KAZN: variants seen among roughly 807,000 people sequenced by gnomAD.
KAZN encodes kazrin.
KAZN carries 40 observed loss-of-function variants against 87.4 expected under a neutral mutation model. That is an observed-to-expected ratio of 0.46 (90% CI 0.36 to 0.60). The LOEUF (loss-of-function observed/expected upper bound fraction) is 0.60, where lower values mean the gene tolerates loss of function less well. Ranked by LOEUF, KAZN falls within the 20% of genes least tolerant of loss-of-function variation. The probability of loss-of-function intolerance (pLI) is 0.00; values close to 1 mark genes in which losing one functional copy is unlikely to be tolerated. For missense variants in KAZN, 898 were observed against 1,073.9 expected (o/e 0.84, Z 2.29); for synonymous variants, 466 against 458.3 (o/e 1.02, Z -0.22).
intron 1 of KAZN, among the ~76,000 whole-genome samples, chr1:13,901,893 G>A (rs1219722635): frequency 6.6e-6 from 1 of 152,238 alleles, no homozygotes; most frequent in African/African-American, 2.4e-5. Flanking sequence ...TGCTTTACTT[G>A]TGCTACTGAT....
intron 1 of KAZN, among the ~76,000 whole-genome samples, chr1:13,929,479 T>C (rs1640424363): frequency 6.6e-6 from 1 of 152,138 alleles, no homozygotes; most frequent in Non-Finnish European, 1.5e-5. Flanking sequence ...CAGCCATCCA[T>C]CATTGCGACA....
intron 8 of KAZN, among the ~76,000 whole-genome samples, chr1:15,074,715 G>A (rs1639663503): frequency 6.6e-6 from 1 of 152,192 alleles, no homozygotes; most frequent in African/African-American, 2.4e-5. Flanking sequence ...AGGGTTAAGA[G>A]ATTACATCCT....
At chr1:14,594,016 CTCTT>C (rs1676348917), upstream of KAZN, among the ~76,000 whole-genome samples, 1 of 152,192 alleles carries the variant, frequency 6.6e-6, no homozygotes, top group Admixed American at 6.5e-5. Context: ...TCTGGGGTCT[CTCTT>C]TCTCTGTCTG....
At chr1:14,034,043 T>A (rs1641437934) in intron 1 of KAZN, among the ~76,000 whole-genome samples, 1 of 152,238 alleles carries the variant, frequency 6.6e-6, no homozygotes. Context: ...GCAGCAAGGC[T>A]GTTGTGCCTT....
chr1:14,940,882 A>G (rs1466319708), intron 1 of KAZN, among the ~76,000 whole-genome samples: 1 of 132,972 alleles, frequency 7.5e-6, no homozygotes, highest in Non-Finnish European at 1.6e-5. Flanking sequence ...GACCAGACAG[A>G]TGTCATTCTA....
intron 2 of KAZN, among the ~76,000 whole-genome samples, chr1:14,285,710 A>C (rs1322860441): frequency 6.6e-6 from 1 of 152,106 alleles, no homozygotes; most frequent in Non-Finnish European, 1.5e-5. Flanking sequence ...CTCTGATCTC[A>C]CCATTTGGAA....
chr1:14,037,765 G>A (rs570593967), intron 1 of KAZN, among the ~76,000 whole-genome samples: 14 of 152,228 alleles, frequency 9.2e-5, no homozygotes, highest in South Asian at 2.1e-4. Context: ...TCTCCCAGCC[G>A]TGCTGCCTGA....
chr1:14,419,190 C>T (rs1480823352), intron 2 of KAZN, among the ~76,000 whole-genome samples: 1 of 152,218 alleles, frequency 6.6e-6, no homozygotes, highest in Admixed American at 6.5e-5. Flanking sequence ...TATACATAGT[C>T]TTTGCAGTGA....
chr1:14,090,822 C>T (rs1017216230), intron 1 of KAZN, among the ~76,000 whole-genome samples: 1 of 152,020 alleles, frequency 6.6e-6, no homozygotes, highest in African/African-American at 2.4e-5. Context: ...CAGCTAAACA[C>T]TAGAGGAACA....
At chr1:14,232,102 G>A (rs1396565876) in intron 2 of KAZN, among the ~76,000 whole-genome samples, 1 of 152,172 alleles carries the variant, frequency 6.6e-6, no homozygotes. Context: ...CTGGCTGGGT[G>A]TTCAGAAGGA....
intron 2 of KAZN, among the ~76,000 whole-genome samples, chr1:14,513,194 T>C (rs1277055392): frequency 6.6e-6 from 1 of 152,156 alleles, no homozygotes; most frequent in Non-Finnish European, 1.5e-5. Flanking sequence ...GAAAAGGATA[T>C]TAGGGCAAAC....
At chr1:13,924,694 G>A (rs979898137) in intron 1 of KAZN, among the ~76,000 whole-genome samples, 3 of 152,194 alleles carry the variant, frequency 2.0e-5, no homozygotes, top group African/African-American at 7.2e-5. Flanking sequence ...CCCACTTTGA[G>A]TCATCCAGCA....
intron 2 of KAZN, among the ~76,000 whole-genome samples, chr1:14,393,872 A>C (rs1662665486): frequency 6.7e-6 from 1 of 150,006 alleles, no homozygotes; most frequent in African/African-American, 2.4e-5. Flanking sequence ...AGTCATGAAA[A>C]CTTTTACCTG....
At chr1:14,272,163 A>G (rs1557607583) in intron 2 of KAZN, among the ~76,000 whole-genome samples, 1 of 152,158 alleles carries the variant, frequency 6.6e-6, no homozygotes, top group African/African-American at 2.4e-5. Context: ...CCCCAAACTC[A>G]CACTCATTTG....
At chr1:14,495,713 T>C (rs1159019434) in intron 2 of KAZN, among the ~76,000 whole-genome samples, 2 of 152,148 alleles carry the variant, frequency 1.3e-5, no homozygotes, top group African/African-American at 2.4e-5. Context: ...CAGGAGGAAA[T>C]GAGATGCCCA....
rs776503895 is a variant in KAZN, at chr1:14,951,268, G to A, written c.227-9416G>A. Among the ~76,000 whole-genome samples the A allele has an allele frequency of 1.4e-4, 21 of 152,086 alleles. 1 individual carries two copies. The highest frequency in any genetic ancestry group is 6.5e-5 in the Admixed American group (1 of 15,268). ...ACTCCCATCCCCTCTGCCCTGGGCA[G>A]TGGGCTCTGCCGGCCTCCTCATCTC... On this transcript the variant is annotated intron_variant, in intron 1 of 14. Coordinates refer to ENST00000376030, the MANE Select transcript of KAZN (RefSeq NM_201628.3).
At chr1:14,526,789 G>A (rs1308596050) in intron 2 of KAZN, among the ~76,000 whole-genome samples, 1 of 152,062 alleles carries the variant, frequency 6.6e-6, no homozygotes, top group Admixed American at 6.5e-5. Flanking sequence ...TAAACATGAG[G>A]TGTTCTCCCC....
chr1:14,799,154 G>A (rs1007952362), intron 1 of KAZN, among the ~76,000 whole-genome samples: 1 of 152,186 alleles, frequency 6.6e-6, no homozygotes, highest in South Asian at 2.1e-4. Context: ...GCTGACATTT[G>A]TGGCATTGTT....
intron 1 of KAZN, among the ~76,000 whole-genome samples, chr1:14,818,067 A>G (rs1010945566): frequency 2.6e-5 from 4 of 152,366 alleles, no homozygotes; most frequent in African/African-American, 9.6e-5. Flanking sequence ...AACTCCTGGC[A>G]TACCTAACAT....
Sources: gnomAD v4.1 joint callset for allele counts (sites outside exome capture counted in the v4.1 genomes callset) on GRCh38, gnomAD v4.1.1 for gene constraint, MANE v1.5 for transcripts, NCBI Gene and HGNC (gene_info 2026-07-23, HGNC 2026-07-21) for gene names.